Variants in ZBTB41 observed in about 807,000 individuals in gnomAD.
ZBTB41 encodes zinc finger and BTB domain-containing protein 41.
A neutral mutation model predicts 87.6 loss-of-function variants in ZBTB41; 42 were observed. The observed-to-expected ratio is 0.48, with a 90% CI of 0.37 to 0.62. ZBTB41 has a LOEUF of 0.62. Ranked by LOEUF, ZBTB41 falls within the 20% of genes least tolerant of loss-of-function variation. ZBTB41 has a pLI of 0.00. For synonymous variants in ZBTB41, 364 were observed against 364.0 expected (o/e 1.00, Z 0.00); for missense variants, 799 against 1,078.9 (o/e 0.74, Z 3.63).
intron 6 of ZBTB41, among the ~76,000 whole-genome samples, chr1:197,179,736 G>C (rs1289457283): frequency 6.6e-6 from 1 of 151,552 alleles, no homozygotes; most frequent in African/African-American, 2.4e-5. Flanking sequence ...TGTGTCTTTT[G>C]TTTTTAACCA....
intron 4 of ZBTB41, among the ~76,000 whole-genome samples, chr1:197,189,161 T>C (rs1297792519): frequency 3.9e-5 from 6 of 152,130 alleles, no homozygotes; most frequent in African/African-American, 9.7e-5. Context: ...TGTGAGAAAT[T>C]TGCTGTATAT....
chr1:197,177,951 T>C (rs943664948), intron 7 of ZBTB41, among the ~76,000 whole-genome samples: 2 of 152,036 alleles, frequency 1.3e-5, no homozygotes, highest in African/African-American at 4.8e-5. Flanking sequence ...AGAAAAAAAC[T>C]TTTCATAAAC....
intron 6 of ZBTB41, among the ~76,000 whole-genome samples, chr1:197,180,726 C>CA (rs750171812): frequency 1.3e-5 from 2 of 150,000 alleles, no homozygotes; most frequent in East Asian, 3.8e-4. Context: ...AAAAAACAAA[C>CA]AAAAACCCTT....
At chr1:197,174,030 T>G (rs1027546972) in intron 9 of ZBTB41, among the ~76,000 whole-genome samples, 1 of 152,132 alleles carries the variant, frequency 6.6e-6, no homozygotes, top group Non-Finnish European at 1.5e-5. Flanking sequence ...CTCTATACTA[T>G]GAACAAAGTG....
At chr1:197,187,220 A>G (rs887735395) in intron 5 of ZBTB41, among the ~76,000 whole-genome samples, 2 of 152,246 alleles carry the variant, frequency 1.3e-5, no homozygotes, top group Admixed American at 1.3e-4. Context: ...AAGGAATTGA[A>G]AATCTAAGTC....
chr1:197,191,565 A>C (rs1335037904), intron 3 of ZBTB41, 127 bp downstream of exon 3: 3 of 716,324 alleles, frequency 4.2e-6, no homozygotes, highest in East Asian at 3.0e-5. Context: ...GATAATCAAA[A>C]TACTGTATCT....
intron 4 of ZBTB41, among the ~76,000 whole-genome samples, chr1:197,189,788 T>C (rs1438876708): frequency 6.6e-6 from 1 of 152,178 alleles, no homozygotes; most frequent in African/African-American, 2.4e-5. Flanking sequence ...TGGAACTTAG[T>C]TGCTATGCTA....
intron 9 of ZBTB41, 117 bp downstream of exon 9, chr1:197,174,893 T>C: frequency 1.5e-6 from 1 of 657,934 alleles, no homozygotes; most frequent in Non-Finnish European, 2.5e-6. Flanking sequence ...CTACAGAATG[T>C]AGAGAAAGAG....
chr1:197,173,137 C>G (rs1404295648), intron 9 of ZBTB41, among the ~76,000 whole-genome samples: 2 of 152,058 alleles, frequency 1.3e-5, no homozygotes, highest in African/African-American at 4.8e-5. Context: ...CATCTCACCT[C>G]AGAAGCAATT....
At chr1:197,198,033 G>C (rs970949111) in intron 2 of ZBTB41, among the ~76,000 whole-genome samples, 5 of 152,164 alleles carry the variant, frequency 3.3e-5, no homozygotes, top group Non-Finnish European at 7.3e-5. Context: ...AAGTCTATTG[G>C]AAAGATGCAA....
In ZBTB41 at chr1:197,200,520, T is replaced by G; in HGVS notation, c.-47A>C. 1 of 1,504,202 alleles carries G rather than the reference T, an allele frequency of 6.6e-7. No individual in the cohort carries two copies. Among genetic ancestry groups the G allele is most frequent in the Non-Finnish European group, 8.8e-7 (1 of 1,130,476 alleles). The allele number at this position is 1,504,202 out of a possible 1,614,324, so 93.2% of individuals were successfully genotyped here. On this transcript the variant is annotated 5_prime_UTR_variant, in exon 2 of 11. Coordinates refer to ENST00000367405, the MANE Select transcript of ZBTB41 (RefSeq NM_194314.3). The stretch of plus-strand genomic sequence containing the variant: ...CAAGAAACTTCATAAGTGTCTTAAG[T>G]GATTTATAAAGGAAAACTAGATTGT...
At chr1:197,197,792 T>C (rs11808883) in intron 2 of ZBTB41, among the ~76,000 whole-genome samples, 11,958 of 152,200 alleles carry the variant, frequency 0.079, 1,545 homozygotes, top group African/African-American at 0.27. Context: ...TACTAAAGAA[T>C]TGGGCAGTTA....
chr1:197,176,802 T>C (rs1381419878), intron 7 of ZBTB41, 132 bp from the exon 8 acceptor site: 3 of 650,976 alleles, frequency 4.6e-6, no homozygotes, highest in Middle Eastern at 4.2e-4. Flanking sequence ...ATTGGCTTTA[T>C]TTCTATGACT....
At chr1:197,191,302 A>C (rs573047416) in intron 3 of ZBTB41, among the ~76,000 whole-genome samples, 1 of 152,060 alleles carries the variant, frequency 6.6e-6, no homozygotes, top group East Asian at 1.9e-4. Flanking sequence ...TCTACAAAAA[A>C]TACAAAAATT....
chr1:197,182,642 T>G (rs897692100), intron 5 of ZBTB41, among the ~76,000 whole-genome samples: 4 of 152,288 alleles, frequency 2.6e-5, no homozygotes, highest in African/African-American at 4.8e-5. Flanking sequence ...TAAAAATTCT[T>G]CTCCTTTAAC....
intron 5 of ZBTB41, among the ~76,000 whole-genome samples, chr1:197,181,445 A>T (rs1399584332): frequency 6.6e-6 from 1 of 152,096 alleles, no homozygotes; most frequent in African/African-American, 2.4e-5. Flanking sequence ...GTAATAAAAA[A>T]CTTTGGAAGA....
At chr1:197,190,655 AG>A (rs1278705775) in intron 4 of ZBTB41, 106 bp downstream of exon 4, 5 of 633,426 alleles carry the variant, frequency 7.9e-6, no homozygotes, top group Non-Finnish European at 1.4e-5. Context: ...AAATTCTAAA[AG>A]TGAGATAAGC....
At chr1:197,177,335 T>C (rs1327228779) in intron 7 of ZBTB41, among the ~76,000 whole-genome samples, 3 of 152,092 alleles carry the variant, frequency 2.0e-5, no homozygotes, top group Non-Finnish European at 4.4e-5. Flanking sequence ...AGACGTGCCT[T>C]GCTTGCACCT....
At chr1:197,185,114 T>C (rs1425214992) in intron 5 of ZBTB41, among the ~76,000 whole-genome samples, 2 of 152,122 alleles carry the variant, frequency 1.3e-5, no homozygotes, top group Non-Finnish European at 2.9e-5. Context: ...GCACACAGCC[T>C]AACTTTGTAT....
Sources: gnomAD v4.1 joint callset for allele counts (sites outside exome capture counted in the v4.1 genomes callset) on GRCh38, gnomAD v4.1.1 for gene constraint, MANE v1.5 for transcripts, NCBI Gene and HGNC (gene_info 2026-07-23, HGNC 2026-07-21) for gene names.